CAPN7: variants seen among roughly 807,000 people sequenced by gnomAD.
CAPN7 encodes calpain 7.
Under a neutral mutation model 115.2 loss-of-function variants are expected in CAPN7, and 72 were observed. That is an observed-to-expected ratio of 0.63 (90% CI 0.52 to 0.76). The LOEUF (loss-of-function observed/expected upper bound fraction) is 0.76. Among genes scored for constraint, CAPN7 ranks in the 30% least tolerant of loss-of-function variants. CAPN7 has a pLI of 0.00. For missense variants in CAPN7, 905 were observed against 971.5 expected (o/e 0.93, Z 0.91); for synonymous variants, 344 against 322.3 (o/e 1.07, Z -0.72).
chr3:15,217,348 C>T, intron 2 of CAPN7, 77 bp from the exon 3 acceptor site: 4 of 1,244,792 alleles, frequency 3.2e-6, no homozygotes, highest in Non-Finnish European at 4.3e-6. Flanking sequence ...TAAAAAATGT[C>T]TTAAATAGTG....
intron 12 of CAPN7, among the ~76,000 whole-genome samples, chr3:15,237,095 A>C (rs1252660923): frequency 6.6e-6 from 1 of 152,252 alleles, no homozygotes; most frequent in Non-Finnish European, 1.5e-5. Context: ...GGAGCAGCCC[A>C]ATAATAAATT....
At chr3:15,230,361 A>G in intron 8 of CAPN7, 81 bp from the exon 9 acceptor site, 1 of 884,220 alleles carries the variant, frequency 1.1e-6, no homozygotes, top group East Asian at 2.5e-5. Context: ...ACGGTAGTAT[A>G]TACCTGAATG....
intron 1 of CAPN7, among the ~76,000 whole-genome samples, chr3:15,210,331 G>A (rs2044859866): frequency 6.6e-6 from 1 of 151,942 alleles, no homozygotes; most frequent in African/African-American, 2.4e-5. Context: ...CAAGATAACT[G>A]AAGGGGCAAT....
At position 15,245,343 on chromosome 3, in the gene CAPN7, G is replaced by T. The variant is rs531271186; in HGVS notation, c.1865-183G>T. 5.9e-4 allele frequency among the ~76,000 whole-genome samples: 90 copies of T among 152,138 alleles called. 1 individual carries two copies. The South Asian group carries it at 0.018, about 31-fold the overall frequency. ...GAAAGTATTCAAAAAGATTATTTTT[G>T]TTTATTAGGAACTGTTTAATTTTAA... On this transcript the variant is annotated intron_variant, in intron 16 of 20. Transcript: ENST00000253693.
intron 2 of CAPN7, among the ~76,000 whole-genome samples, chr3:15,212,551 T>C (rs1375969011): frequency 6.6e-6 from 1 of 152,218 alleles, no homozygotes; most frequent in East Asian, 1.9e-4. Flanking sequence ...CTCTTCCTTA[T>C]AAAATTAAGT....
chr3:15,227,569 A>G (rs919835580), intron 6 of CAPN7, among the ~76,000 whole-genome samples: 3 of 152,142 alleles, frequency 2.0e-5, no homozygotes, highest in East Asian at 1.9e-4. Flanking sequence ...GAATACAGTT[A>G]TGCTAAATTT....
chr3:15,211,661 G>T (rs1441820719), intron 1 of CAPN7, among the ~76,000 whole-genome samples: 1 of 151,918 alleles, frequency 6.6e-6, no homozygotes, highest in Non-Finnish European at 1.5e-5. Context: ...TTGGGAGGCC[G>T]AGGTGGGCAG....
intron 3 of CAPN7, 138 bp downstream of exon 3, chr3:15,217,720 CAATAT>C (rs1693722385): frequency 1.2e-5 from 7 of 595,686 alleles, no homozygotes; most frequent in Non-Finnish European, 1.8e-5. Flanking sequence ...AACTACTCCT[CAATAT>C]AAGATGATGA....
At chr3:15,244,860 A>G (rs963595166) in intron 16 of CAPN7, among the ~76,000 whole-genome samples, 11 of 152,212 alleles carry the variant, frequency 7.2e-5, no homozygotes, top group African/African-American at 2.4e-4. Flanking sequence ...GTTATAAGAA[A>G]TAAACTTATC....
rs755357273 is a variant in CAPN7 at position 15,247,458 on chromosome 3, G to C, written c.2204+1G>C. ...TACTGATTGAGCTACGAGGACCAAG[G>C]TTTGTGATGAGTAACTTTCTTAAAT... On this transcript the variant is annotated splice_donor_variant, in intron 19 of 20. Transcript: ENST00000253693. LOFTEE classifies it high-confidence loss of function. 2 of 1,582,844 alleles carry C rather than the reference G, an allele frequency of 1.3e-6. No homozygotes were observed. The highest frequency in any genetic ancestry group is 1.7e-4 in the Middle Eastern group (1 of 5,890).
chr3:15,207,794 C>T (rs1036012851), intron 1 of CAPN7, among the ~76,000 whole-genome samples: 4 of 152,110 alleles, frequency 2.6e-5, no homozygotes, highest in Admixed American at 6.6e-5. Flanking sequence ...CTGTCGTCTC[C>T]TATGATAACA....
chr3:15,208,427 C>G (rs1421094301), intron 1 of CAPN7, among the ~76,000 whole-genome samples: 1 of 149,088 alleles, frequency 6.7e-6, no homozygotes, highest in Non-Finnish European at 1.5e-5. Flanking sequence ...GGTGGGACTA[C>G]AGGTAGACAC....
chr3:15,217,470 A>G lies in CAPN7; in HGVS notation c.257A>G (p.Asp86Gly), dbSNP rs1051861232. 9 of 1,613,724 alleles carry G rather than the reference A, an allele frequency of 5.6e-6. No individual in the cohort carries two copies. The highest frequency in any genetic ancestry group is 5.1e-6 in the Non-Finnish European group (6 of 1,179,906). ...CCTTTGAAGTCAAAACATCAGTTGG[A>G]CTTAGAGCGTGCTCATTTCCTTGTT... ...ADPLKSKHQL[D>G]LERAHFLVTQ... Residue 86 changes from aspartate (D) to glycine (G), a missense_variant, in exon 3 of 21, where the codon GAC becomes GGC. Physicochemically the swap from Asp to Gly is moderately conservative, Grantham distance 94. Coordinates refer to ENST00000253693, the MANE Select transcript of CAPN7 (RefSeq NM_014296.3).
At chr3:15,228,858 G>T (rs1437307879) in intron 7 of CAPN7, 116 bp from the exon 8 acceptor site, 2 of 739,696 alleles carry the variant, frequency 2.7e-6, no homozygotes, top group African/African-American at 3.6e-5. Context: ...TAAAATAGAA[G>T]TTTTAAGAAA....
chr3:15,228,899 G>T lies in CAPN7; in HGVS notation c.853-75G>T, dbSNP rs975383907. ...TTTAGTATAAAAAGTAGGTACTTGG[G>T]GCAATGTACGTATATTGCGGTAATG... On this transcript the variant is annotated intron_variant, in intron 7 of 20. Coordinates refer to ENST00000253693, the MANE Select transcript of CAPN7 (RefSeq NM_014296.3). 3.8e-6 allele frequency: 4 copies of T among 1,063,468 alleles called. No individual in the cohort carries two copies. The African/African-American group carries it at 4.8e-5, about 13-fold the overall frequency. The allele number at this position is 1,063,468 out of a possible 1,614,324, so 65.9% of individuals were successfully genotyped here.
rs963750016 is a variant in CAPN7 at position 15,232,646 on chromosome 3, A to C, written c.1160A>C (p.Asp387Ala). 6.2e-7 allele frequency: 1 copy of C among 1,608,572 alleles called. No homozygotes were observed. The highest frequency in any genetic ancestry group is 8.5e-7 in the Non-Finnish European group (1 of 1,178,118). Residue 387 changes from aspartate (D) to alanine (A), a missense_variant, in exon 10 of 21, where the codon GAT becomes GCT. Transcript: ENST00000253693. ...KAYMKVMGGY[D>A]FPGSNSNIDL... ...TACATGAAAGTCATGGGAGGATATG[A>C]TTTTCCAGGATCCAACTCCGTAAGT...
Position 15,240,594 on chromosome 3 carries a change from G to A in CAPN7, c.1529G>A (p.Arg510Gln), listed in dbSNP as rs201136378. 73 of 1,603,972 alleles carry A rather than the reference G, an allele frequency of 4.6e-5. No individual in the cohort carries two copies. The highest frequency in any genetic ancestry group is 5.6e-5 in the South Asian group (5 of 88,726). Reference protein sequence around the residue: ...ELQKYLNFDPRTAQKIDNGIF... With the variant: ...ELQKYLNFDPQTAQKIDNGIF... Reference sequence around the variant, plus strand: ...CAAAAGTATTTAAACTTTGATCCCCGAACAGCTCAGAAAATAGACAACGGT... The same window carrying A: ...CAAAAGTATTTAAACTTTGATCCCCAAACAGCTCAGAAAATAGACAACGGT... Residue 510 changes from arginine to glutamine, a missense_variant, in exon 13 of 21, where the codon CGA (arginine) becomes CAA (glutamine). This residue lies in a region of CAPN7 where 620 missense variants were observed against 703.4 expected (regional missense o/e 0.88). Coordinates refer to ENST00000253693, the MANE Select transcript of CAPN7 (RefSeq NM_014296.3).
chr3:15,250,472 C>T (rs1389640587), intron 19 of CAPN7, among the ~76,000 whole-genome samples: 1 of 152,062 alleles, frequency 6.6e-6, no homozygotes, highest in Non-Finnish European at 1.5e-5. Flanking sequence ...AGTTCGAGAC[C>T]AGCCTCTCCA....
chr3:15,242,043 A>G, intron 15 of CAPN7, 135 bp from the exon 16 acceptor site: 1 of 655,512 alleles, frequency 1.5e-6, no homozygotes, highest in Non-Finnish European at 2.6e-6. Flanking sequence ...AGCACTAAAT[A>G]GCTGAAAACA....
Sources: gnomAD v4.1 joint callset for allele counts (sites outside exome capture counted in the v4.1 genomes callset) on GRCh38, gnomAD v4.1.1 for gene constraint, gnomAD v4.1.1 regional missense constraint, MANE v1.5 for transcripts, NCBI Gene and HGNC (gene_info 2026-07-23, HGNC 2026-07-21) for gene names.